Variants in AP3B1 observed in about 807,000 individuals in gnomAD.
The protein encoded by AP3B1 is adaptor related protein complex 3 subunit beta 1.
A neutral mutation model predicts 132.5 loss-of-function variants in AP3B1; 61 were observed. The ratio of observed to expected loss-of-function variants is 0.46; its 90% CI spans 0.37 to 0.57. The LOEUF (loss-of-function observed/expected upper bound fraction) is 0.57. Among genes scored for constraint, AP3B1 ranks in the 20% least tolerant of loss-of-function variants. The pLI is 0.00. For missense variants in AP3B1, 1,120 were observed against 1,289.4 expected, an observed-to-expected ratio of 0.87 and a Z score of 2.01; for synonymous variants, 388 against 438.3, an observed-to-expected ratio of 0.89 and a Z score of 1.43.
In AP3B1 at chr5:78,229,089, C is replaced by T. The variant is rs550430497; in HGVS notation, c.280-850G>A. On this transcript the variant is annotated intron_variant, in intron 3 of 26. Transcript: ENST00000255194. ...CTGGAACTACAGGTATGCACCACCA[C>T]ACCCGGCTTTTTTTTAGGATTTTAT... Among the ~76,000 whole-genome samples, 318 of 151,976 alleles carry T rather than the reference C, an allele frequency of 2.1e-3. 2 individuals are homozygous for T. The highest frequency in any genetic ancestry group is 6.8e-3 in the African/African-American group (283 of 41,454).
At chr5:78,243,024 G>A (rs906832937) in intron 2 of AP3B1, among the ~76,000 whole-genome samples, 5 of 152,088 alleles carry the variant, frequency 3.3e-5, no homozygotes, top group African/African-American at 4.8e-5. Context: ...TAGAATCCCC[G>A]TTACCAATTT....
intron 26 of AP3B1, among the ~76,000 whole-genome samples, chr5:78,009,832 T>C (rs1746546397): frequency 6.6e-6 from 1 of 152,112 alleles, no homozygotes; most frequent in Non-Finnish European, 1.5e-5. Flanking sequence ...AAGTTAATAA[T>C]GAAAGTTGCT....
chr5:78,129,975 C>A (rs1278870578), intron 15 of AP3B1, among the ~76,000 whole-genome samples: 1 of 152,022 alleles, frequency 6.6e-6, no homozygotes. Flanking sequence ...CTGCTTATAG[C>A]CTCTAGTAAT....
intron 3 of AP3B1, among the ~76,000 whole-genome samples, chr5:78,231,496 A>G (rs866398489): frequency 6.6e-6 from 1 of 152,158 alleles, no homozygotes; most frequent in Non-Finnish European, 1.5e-5. Context: ...AAGGTGTAAA[A>G]GAGTATGCAT....
At chr5:78,009,844 C>T (rs1746546862) in intron 26 of AP3B1, among the ~76,000 whole-genome samples, 1 of 152,132 alleles carries the variant, frequency 6.6e-6, no homozygotes, top group African/African-American at 2.4e-5. Context: ...AAAGTTGCTC[C>T]AGAATCTTAC....
chr5:78,022,455 C>T (rs1747144325), intron 24 of AP3B1, among the ~76,000 whole-genome samples: 1 of 152,144 alleles, frequency 6.6e-6, no homozygotes, highest in African/African-American at 2.4e-5. Context: ...GTTGGGGGAA[C>T]ATTGCAGAGT....
chr5:78,206,066 G>T (rs1350890839), intron 7 of AP3B1, among the ~76,000 whole-genome samples: 10 of 151,826 alleles, frequency 6.6e-5, no homozygotes, highest in African/African-American at 2.4e-4. Context: ...TTTTTTTAAT[G>T]TGAACATTTC....
chr5:78,040,690 T>C (rs1392390484), intron 22 of AP3B1, among the ~76,000 whole-genome samples: 4 of 152,148 alleles, frequency 2.6e-5, no homozygotes, highest in African/African-American at 9.7e-5. Context: ...AAAAAATCAA[T>C]TTGTAATTAA....
chr5:78,268,006 T>C (rs953418059), intron 1 of AP3B1, among the ~76,000 whole-genome samples: 1 of 152,078 alleles, frequency 6.6e-6, no homozygotes, highest in Non-Finnish European at 1.5e-5. Flanking sequence ...TCCAAACAGC[T>C]CATAAAATTA....
At position 78,177,358 on chromosome 5, in the gene AP3B1, G is replaced by A. The variant is rs964935640; in HGVS notation, c.1021C>T (p.Arg341Cys). The part of the protein sequence containing the change: ...EAGIISKSLV[R>C]LLRSNREVQY... ...ACCTACCTATTGCTACGAAGTAAAC[G>A]CACTAGTGATTTAGAAATTATGCCA... The change falls in exon 9 of 27, where the codon CGT becomes TGT. Residue 341 changes from arginine (R) to cysteine (C), a missense_variant. By Grantham distance (180) the Arg-to-Cys change is radical. Around this residue, in one of 3 missense-constraint regions of AP3B1, gnomAD observed 906 missense variants for 997.1 expected, o/e 0.91. Transcript: ENST00000255194. 12 of 1,612,948 alleles carry A rather than the reference G, an allele frequency of 7.4e-6. No homozygotes were observed. The highest frequency in any genetic ancestry group is 1.6e-4 in the Middle Eastern group (1 of 6,078).
intron 3 of AP3B1, among the ~76,000 whole-genome samples, chr5:78,228,932 G>C (rs991774121): frequency 6.6e-6 from 1 of 151,712 alleles, no homozygotes; most frequent in Non-Finnish European, 1.5e-5. Context: ...AGTTTTTTTT[G>C]GTTTTCGATT....
intron 22 of AP3B1, among the ~76,000 whole-genome samples, chr5:78,070,246 A>G: frequency 6.6e-6 from 1 of 152,046 alleles, no homozygotes; most frequent in Non-Finnish European, 1.5e-5. Flanking sequence ...GTATCTACTA[A>G]AAATACAAAA....
chr5:78,125,216 T>C (rs1420182719), intron 17 of AP3B1, among the ~76,000 whole-genome samples: 1 of 152,104 alleles, frequency 6.6e-6, no homozygotes, highest in Non-Finnish European at 1.5e-5. Context: ...AATAAATTAT[T>C]AACTAAGGAT....
At chr5:78,214,803 TA>T (rs1445944167) in intron 7 of AP3B1, among the ~76,000 whole-genome samples, 1 of 152,140 alleles carries the variant, frequency 6.6e-6, no homozygotes, top group Non-Finnish European at 1.5e-5. Flanking sequence ...TTTATAAAAT[TA>T]AAGTTGACAA....
intron 17 of AP3B1, among the ~76,000 whole-genome samples, chr5:78,119,029 T>C (rs1159301613): frequency 6.6e-6 from 1 of 152,112 alleles, no homozygotes; most frequent in Non-Finnish European, 1.5e-5. Flanking sequence ...TATCCGCTGT[T>C]CTATAGCCAC....
At chr5:78,097,486 GC>G (rs1750903987) in intron 21 of AP3B1, among the ~76,000 whole-genome samples, 1 of 106,490 alleles carries the variant, frequency 9.4e-6, no homozygotes. Flanking sequence ...TGCCCGGCCA[GC>G]CGCCCCGTCC....
chr5:78,006,372 T>C lies in AP3B1; in HGVS notation c.3132-3317A>G, dbSNP rs566127733. Reference sequence around the variant, plus strand: ...TAAAGTTTTTCCCATTTACCTAATATACACATAATCTATTATTGTTCCAAA... The same window carrying C: ...TAAAGTTTTTCCCATTTACCTAATACACACATAATCTATTATTGTTCCAAA... On this transcript the variant is annotated intron_variant, in intron 26 of 26. Coordinates refer to ENST00000255194, the MANE Select transcript of AP3B1 (RefSeq NM_003664.5). Among the ~76,000 whole-genome samples, 5 of 152,342 alleles carry C rather than the reference T, an allele frequency of 3.3e-5. No individual in the cohort carries two copies. The South Asian group carries it at 8.3e-4, about 25-fold the overall frequency.
At chr5:78,123,487 A>C (rs1035742097) in intron 17 of AP3B1, among the ~76,000 whole-genome samples, 51 of 152,194 alleles carry the variant, frequency 3.4e-4, no homozygotes, top group Non-Finnish European at 3.8e-4. Context: ...CAATGAACTC[A>C]AACAAATTTA....
At chr5:78,146,504 T>C (rs1462983327) in intron 14 of AP3B1, among the ~76,000 whole-genome samples, 2 of 152,200 alleles carry the variant, frequency 1.3e-5, no homozygotes, top group Non-Finnish European at 2.9e-5. Context: ...TATTATCATA[T>C]TCCAGATTTG....
Sources: allele counts gnomAD v4.1 joint callset (sites outside exome capture counted in the v4.1 genomes callset), GRCh38; gene constraint gnomAD v4.1.1; regional missense constraint gnomAD v4.1.1; transcripts MANE v1.5; gene names NCBI Gene and HGNC (gene_info 2026-07-23, HGNC 2026-07-21).